The following SLC33A1 variants were observed in gnomAD, a reference collection of about 807,000 sequenced individuals.
SLC33A1 encodes acetyl-coenzyme A transporter 1.
SLC33A1 carries 20 observed loss-of-function variants against 50.0 expected under a neutral mutation model. That is an observed-to-expected ratio of 0.40 (90% CI 0.28 to 0.58). The LOEUF is 0.58. SLC33A1 is among the 20% of genes least tolerant of loss of function. The probability of loss-of-function intolerance (pLI) is 0.44; values close to 1 mark genes in which losing one functional copy is unlikely to be tolerated. For missense variants in SLC33A1, 476 were observed against 657.0 expected (o/e 0.72, Z 3.01); for synonymous variants, 265 against 251.8 (o/e 1.05, Z -0.50).
rs1028457781 is a variant in SLC33A1 at position 155,825,261 on chromosome 3, C to T, written c.*2949G>A. The T allele has an allele frequency of 2.6e-5, 4 of 151,898 alleles. No homozygotes were observed. The highest frequency in any genetic ancestry group is 6.6e-5 in the Admixed American group (1 of 15,194). 9.4% of individuals were successfully genotyped at this position (151,898 alleles called of 1,614,324 possible). Reference sequence around the variant, plus strand: ...ACCTCCTGGGTTCAAGTAACCCTCCCGCCTAAGCTTCCCAAGTAGCTGGGA... The same window carrying T: ...ACCTCCTGGGTTCAAGTAACCCTCCTGCCTAAGCTTCCCAAGTAGCTGGGA... On this transcript the variant is annotated 3_prime_UTR_variant, in exon 6 of 6. Coordinates refer to ENST00000643144, the MANE Select transcript of SLC33A1 (RefSeq NM_004733.4).
chr3:155,850,316 C>T (rs1007403422), intron 1 of SLC33A1, among the ~76,000 whole-genome samples: 2 of 151,870 alleles, frequency 1.3e-5, no homozygotes, highest in African/African-American at 2.4e-5. Flanking sequence ...CAGTTTGTTG[C>T]TTTTTATGTG....
At chr3:155,844,063 C>T (rs1024164960) in intron 1 of SLC33A1, among the ~76,000 whole-genome samples, 25 of 152,142 alleles carry the variant, frequency 1.6e-4, no homozygotes, top group Non-Finnish European at 1.9e-4. Context: ...TTAGAATATT[C>T]TTCAGTCAGG....
At chr3:155,829,975 C>G in intron 4 of SLC33A1, 72 bp from the exon 5 acceptor site, 1 of 973,070 alleles carries the variant, frequency 1.0e-6, no homozygotes, top group Admixed American at 2.0e-5. Flanking sequence ...TTAAGAACAT[C>G]AAAGTCATAA....
At chr3:155,847,932 T>C (rs1753242750) in intron 1 of SLC33A1, among the ~76,000 whole-genome samples, 2 of 152,178 alleles carry the variant, frequency 1.3e-5, no homozygotes, top group African/African-American at 4.8e-5. Flanking sequence ...TTATAAACTC[T>C]AATATCTTTA....
At chr3:155,850,809 GT>G (rs1373149058) in intron 1 of SLC33A1, among the ~76,000 whole-genome samples, 1 of 151,540 alleles carries the variant, frequency 6.6e-6, no homozygotes, top group Admixed American at 6.6e-5. Flanking sequence ...TAGAGAAGGG[GT>G]TTTGCCATGT....
intron 2 of SLC33A1, among the ~76,000 whole-genome samples, chr3:155,838,831 C>T (rs1752808580): frequency 6.6e-6 from 1 of 151,718 alleles, no homozygotes; most frequent in African/African-American, 2.4e-5. Flanking sequence ...GTCTAGACGA[C>T]AGAGCAAGAC....
intron 1 of SLC33A1, among the ~76,000 whole-genome samples, chr3:155,848,868 T>TA: frequency 6.6e-6 from 1 of 152,334 alleles, no homozygotes; most frequent in African/African-American, 2.4e-5. Context: ...CATTTATCTG[T>TA]AACAATCAAA....
intron 4 of SLC33A1, among the ~76,000 whole-genome samples, chr3:155,831,639 G>A (rs1427017363): frequency 6.6e-6 from 1 of 152,006 alleles, no homozygotes; most frequent in African/African-American, 2.4e-5. Context: ...ATTCTCAAAT[G>A]AAATCCAAAG....
At chr3:155,845,433 C>A (rs1419039000) in intron 1 of SLC33A1, among the ~76,000 whole-genome samples, 1 of 152,102 alleles carries the variant, frequency 6.6e-6, no homozygotes, top group African/African-American at 2.4e-5. Flanking sequence ...CTCAAGTGAT[C>A]CTTTTGCCTC....
In SLC33A1 at chr3:155,854,358, A is replaced by C; in HGVS notation, c.-361T>G. 4.7e-6 allele frequency: 1 copy of C among 214,284 alleles called. No individual in the cohort carries two copies. Among genetic ancestry groups the C allele is most frequent in the Admixed American group, 5.3e-5 (1 of 18,854 alleles). The allele number at this position is 214,284 out of a possible 1,614,324, so 13.3% of individuals were successfully genotyped here. A position where few individuals can be genotyped will look rare whatever the true frequency, so the allele number is the denominator to read the frequency against. ...GATCGAACGGCTGGTCTCCCGACCC[A>C]ACACCTCCAGCTCTCGCTGCTATCA... On this transcript the variant is annotated 5_prime_UTR_variant, in exon 1 of 6. Transcript: ENST00000643144.
At position 155,842,481 on chromosome 3, in the gene SLC33A1, A is replaced by G. The variant is rs1200785764; in HGVS notation, c.914T>C (p.Ile305Thr). The G allele has an allele frequency of 6.2e-7, 1 of 1,612,650 alleles. No homozygotes were observed. Among genetic ancestry groups the G allele is most frequent in the East Asian group, 2.2e-5 (1 of 44,724 alleles). Residue 305 changes from isoleucine (I) to threonine (T), a missense_variant, in exon 2 of 6, where the codon ATA (isoleucine) becomes ACA (threonine). By Grantham distance (89) the Ile-to-Thr change is moderately conservative. Transcript: ENST00000643144. ...TDTYKLLFAI[I>T]KMPAVLTFCL... The stretch of plus-strand genomic sequence containing the variant: ...AAATGTCAGAACTGCTGGCATTTTT[A>G]TAATTGCAAAAAGCAGCTTGTAAGT...
intron 1 of SLC33A1, among the ~76,000 whole-genome samples, chr3:155,846,713 A>G (rs1703715248): frequency 6.6e-6 from 1 of 151,366 alleles, no homozygotes; most frequent in African/African-American, 2.4e-5. Context: ...TCGGCCTCCC[A>G]AAGTGCTGGG....
chr3:155,844,492 G>A (rs866683128), intron 1 of SLC33A1, among the ~76,000 whole-genome samples: 109 of 93,162 alleles, frequency 1.2e-3, no homozygotes, highest in African/African-American at 3.4e-3. Context: ...TTTTTGAGAC[G>A]GAGTCTCACT....
At chr3:155,839,300 CAAAAAAAAAAAAAA>C (rs550171374) in intron 2 of SLC33A1, among the ~76,000 whole-genome samples, 28 of 25,736 alleles carry the variant, frequency 1.1e-3, no homozygotes, top group African/African-American at 1.6e-3. Context: ...AACTCCGCCT[CAAAAAAAAAAAAAA>C]AAAAAAAAAA....
intron 1 of SLC33A1, among the ~76,000 whole-genome samples, chr3:155,850,095 G>A (rs1013049492): frequency 2.0e-5 from 3 of 151,222 alleles, no homozygotes; most frequent in African/African-American, 7.3e-5. Context: ...TGCAACCTCC[G>A]CCTCCCAGGT....
intron 2 of SLC33A1, among the ~76,000 whole-genome samples, chr3:155,834,497 A>G (rs939420167): frequency 6.6e-6 from 1 of 152,214 alleles, no homozygotes; most frequent in African/African-American, 2.4e-5. Flanking sequence ...TCCTAAGTTC[A>G]TCTAATGTTT....
Position 155,828,468 on chromosome 3 carries a change from T to A in SLC33A1, c.1483-91A>T, listed in dbSNP as rs991216026. The A allele has an allele frequency of 3.9e-6, 3 of 768,994 alleles. No individual in the cohort carries two copies. In the African/African-American group the frequency reaches 5.3e-5, roughly 14 times the overall value. The allele number at this position is 768,994 out of a possible 1,614,324, so 47.6% of individuals were successfully genotyped here. ...GCTTCTACTTTATAAAGAATAAAAATATATTTTTCTTAAAACATTTCAGTA... is the reference window on the plus strand; with the variant it reads ...GCTTCTACTTTATAAAGAATAAAAAAATATTTTTCTTAAAACATTTCAGTA... On this transcript the variant is annotated intron_variant, in intron 5 of 5. Transcript: ENST00000643144.
At chr3:155,851,520 G>T (rs1753399806) in intron 1 of SLC33A1, among the ~76,000 whole-genome samples, 1 of 151,870 alleles carries the variant, frequency 6.6e-6, no homozygotes, top group Admixed American at 6.6e-5. Flanking sequence ...CAAAGTGCTG[G>T]GATAACAGGT....
At position 155,822,691 on chromosome 3, in the gene SLC33A1, T is replaced by C. The variant is rs1299238771; in HGVS notation, c.*5519A>G. 5 of 152,156 alleles carry C rather than the reference T, an allele frequency of 3.3e-5. No individual in the cohort carries two copies. The highest frequency in any genetic ancestry group is 1.3e-4 in the Admixed American group (2 of 15,276). 9.4% of individuals were successfully genotyped at this position (152,156 alleles called of 1,614,324 possible). On this transcript the variant is annotated 3_prime_UTR_variant, in exon 6 of 6. Transcript: ENST00000643144. ...TCTTCACATAAAATTGTTATAAAGT[T>C]ATATTGTCTATATTGACAATAAAAA...
Sources: gnomAD v4.1 joint callset for allele counts (sites outside exome capture counted in the v4.1 genomes callset) on GRCh38, gnomAD v4.1.1 for gene constraint, MANE v1.5 for transcripts, NCBI Gene and HGNC (gene_info 2026-07-23, HGNC 2026-07-21) for gene names.